The following MDP1 variants were observed in gnomAD, a reference collection of about 807,000 sequenced individuals.
MDP1 encodes magnesium-dependent phosphatase 1.
A neutral mutation model predicts 21.6 loss-of-function variants in MDP1; 18 were observed. The observed-to-expected ratio is 0.83, with a 90% confidence interval of 0.58 to 1.24. The LOEUF (loss-of-function observed/expected upper bound fraction) is 1.24, where lower values mean the gene tolerates loss of function less well. Ranked by LOEUF, MDP1 falls within the 50% of genes most tolerant of loss-of-function variation. MDP1 has a pLI of 0.00. For missense variants in MDP1, 207 were observed against 218.6 expected (o/e 0.95, Z 0.33); for synonymous variants, 101 against 83.2 (o/e 1.21, Z -1.16).
rs1274881335 is a variant in MDP1 at position 24,216,039 on chromosome 14, G to GC, written c.-85dup. On this transcript the variant is annotated 5_prime_UTR_variant, in exon 1 of 6. The change creates a premature stop within an existing upstream ORF in the 5' untranslated region. Transcript: ENST00000288087. ...TGCGGAACCTCCGGCAGCTAAGGCA[G>GC]CCACCCTGCCTGCCATAGACAAATG... 1 of 1,571,664 alleles carries GC rather than the reference G, an allele frequency of 6.4e-7. No homozygotes were observed. Among genetic ancestry groups the GC allele is most frequent in the East Asian group, 2.3e-5 (1 of 44,294 alleles).
chr14:24,215,764 T>A lies in MDP1; in HGVS notation c.71A>T (p.His24Leu). Residue 24 changes from histidine to leucine, a missense_variant, in exon 2 of 6, where the codon CAC (histidine) becomes CTC (leucine). Coordinates refer to ENST00000288087, the MANE Select transcript of MDP1 (RefSeq NM_138476.4). ...YTLWPFWVDT[H>L]VDPPFHKSSD... ...GCTCTTATGGAACGGAGGGTCTACG[T>A]GCGTGTCGACCCAGAAAGGCCAGAG... The A allele has an allele frequency of 6.2e-7, 1 of 1,614,052 alleles. No homozygotes were observed.
In MDP1 at chr14:24,214,446, CCT is replaced by C. The variant is rs755232170; in HGVS notation, c.317+44_317+45del. 3 of 1,614,028 alleles carry C rather than the reference CCT, an allele frequency of 1.9e-6. No individual in the cohort carries two copies. In the African/African-American group the frequency reaches 4.0e-5, roughly 22 times the overall value. On this transcript the variant is annotated intron_variant, in intron 4 of 5. Transcript: ENST00000288087. ...CAAGCTAGTATCTTGGTTTCCCAGG[CCT>C]CTCTGATACTTTCTCACCCTGCTCC...
At chr14:24,214,189 G>T in intron 5 of MDP1, 38 bp from the exon 6 acceptor site, 1 of 1,607,740 alleles carries the variant, frequency 6.2e-7, no homozygotes, top group South Asian at 1.1e-5. Flanking sequence ...TAAGCTTTCA[G>T]GGTTCTCCAT....
rs1462872849 is a variant in MDP1, at chr14:24,216,053, C to T, written c.-98G>A. The T allele has an allele frequency of 2.6e-6, 4 of 1,529,922 alleles. No homozygotes were observed. Among genetic ancestry groups the T allele is most frequent in the Middle Eastern group, 2.0e-4 (1 of 5,062 alleles). The allele number at this position is 1,529,922 out of a possible 1,614,324, so 94.8% of individuals were successfully genotyped here. ...CAGCTAAGGCAGCCACCCTGCCTGC[C>T]ATAGACAAATGGCGACTAGAGCGTC... On this transcript the variant is annotated 5_prime_UTR_variant, in exon 1 of 6. The change abolishes an upstream ATG in the 5' untranslated region. Coordinates refer to ENST00000288087, the MANE Select transcript of MDP1 (RefSeq NM_138476.4).
rs746762079 is a variant in MDP1, at chr14:24,215,887, C to A, written c.37+32G>T. On this transcript the variant is annotated intron_variant, in intron 1 of 5. Transcript: ENST00000288087. ...GTTAGGGATGTGGAAAAGGAGAGCA[C>A]CTTACGAAATTCTCCCCTTCCCGTC... is the stretch of plus-strand genomic sequence containing the variant. 3.7e-6 allele frequency: 6 copies of A among 1,614,168 alleles called. No homozygotes were observed. In the South Asian group the frequency reaches 6.6e-5, roughly 18 times the overall value.
Position 24,214,084 on chromosome 14 carries a change from A to G in MDP1, c.471T>C (p.Phe157=). The G allele has an allele frequency of 6.2e-7, 1 of 1,613,612 alleles. No individual in the cohort carries two copies. Among genetic ancestry groups the G allele is most frequent in the Non-Finnish European group, 8.5e-7 (1 of 1,179,714 alleles). Reference sequence around the variant, plus strand: ...TCAAAGGCCCAGTTTGGGCCTTCGCAAATGTCTCTAACCCTTGACTTAGAG... The same window carrying G: ...TCAAAGGCCCAGTTTGGGCCTTCGCGAATGTCTCTAACCCTTGACTTAGAG... ...LQTLSQGLET[F]AKAQTGPLRS... Residue 157 remains phenylalanine (F), a synonymous_variant, in exon 6 of 6, where the codon TTT becomes TTC. Coordinates refer to ENST00000288087, the MANE Select transcript of MDP1 (RefSeq NM_138476.4).
At position 24,215,952 on chromosome 14, in the gene MDP1, C is replaced by T; in HGVS notation, c.4G>A (p.Ala2Thr). The T allele has an allele frequency of 2.5e-6, 4 of 1,614,224 alleles. No homozygotes were observed. The highest frequency in any genetic ancestry group is 3.4e-6 in the Non-Finnish European group (4 of 1,180,042). The change falls in exon 1 of 6, where the codon GCG becomes ACG. Residue 2 changes from alanine (A) to threonine (T), a missense_variant. Transcript: ENST00000288087. ...AAGACTGCCAGCTTCGGTAGCCGCG[C>T]CATGACCCGCACCGCAGGCTGCGCG... The part of the protein sequence containing the change: M[A>T]RLPKLAVFDL...
In MDP1 at chr14:24,215,942, G is replaced by C; in HGVS notation, c.14C>G (p.Pro5Arg). 1.2e-6 allele frequency: 2 copies of C among 1,614,182 alleles called. No individual in the cohort carries two copies. The highest frequency in any genetic ancestry group is 2.2e-5 in the South Asian group (2 of 91,080). The change falls in exon 1 of 6, where the codon CCG becomes CGG. Residue 5 changes from proline (P) to arginine (R), a missense_variant. Pro to Arg is a moderately radical substitution (Grantham distance 103, BLOSUM62 -2). Coordinates refer to ENST00000288087, the MANE Select transcript of MDP1 (RefSeq NM_138476.4). ...ACCCAAATCAAAGACTGCCAGCTTC[G>C]GTAGCCGCGCCATGACCCGCACCGC... Reference protein sequence around the residue: MARLPKLAVFDLDYT... With the variant: MARLRKLAVFDLDYT...
chr14:24,215,525 C>CT (rs2039671863), intron 3 of MDP1, 27 bp downstream of exon 3: 1 of 1,612,736 alleles, frequency 6.2e-7, no homozygotes, highest in Non-Finnish European at 8.5e-7. Context: ...CAGCATTACA[C>CT]TGTCAGTTGT....
In MDP1 at chr14:24,214,628, G is replaced by A. The variant is rs978074863; in HGVS notation, c.210-29C>T. On this transcript the variant is annotated intron_variant, in intron 3 of 5. Transcript: ENST00000288087. ...CAAAACGGTGTAAAAGATGGGATTA[G>A]CAAAGTGAAGGGCCAGGGCTACGTT... 4 of 1,612,160 alleles carry A rather than the reference G, an allele frequency of 2.5e-6. No homozygotes were observed. The African/African-American group carries it at 5.3e-5, about 22-fold the overall frequency.
At position 24,214,717 on chromosome 14, in the gene MDP1, A is replaced by T. The variant is rs563556421; in HGVS notation, c.210-118T>A. 2.4e-5 allele frequency: 26 copies of T among 1,085,674 alleles called. No homozygotes were observed. The East Asian group carries it at 6.2e-4, about 26-fold the overall frequency. 67.3% of individuals were successfully genotyped at this position (1,085,674 alleles called of 1,614,324 possible). On this transcript the variant is annotated intron_variant, in intron 3 of 5. Coordinates refer to ENST00000288087, the MANE Select transcript of MDP1 (RefSeq NM_138476.4). Reference sequence around the variant, plus strand: ...TCAACTTGCTGTTTTTCCGGGATGGACAGGCATCCTCAGCCTCTGTTTAAC... The same window carrying T: ...TCAACTTGCTGTTTTTCCGGGATGGTCAGGCATCCTCAGCCTCTGTTTAAC...
Position 24,215,752 on chromosome 14 carries a change from G to T in MDP1, c.83C>A (p.Pro28Gln). The T allele has an allele frequency of 6.2e-7, 1 of 1,614,212 alleles. No homozygotes were observed. The highest frequency in any genetic ancestry group is 8.5e-7 in the Non-Finnish European group (1 of 1,180,040). Residue 28 changes from proline (P) to glutamine (Q), a missense_variant, in exon 2 of 6, where the codon CCG becomes CAG. Pro to Gln is a moderately conservative substitution (Grantham distance 76, BLOSUM62 -1). Coordinates refer to ENST00000288087, the MANE Select transcript of MDP1 (RefSeq NM_138476.4). Reference protein sequence around the residue: ...PFWVDTHVDPPFHKSSDGTVR... With the variant: ...PFWVDTHVDPQFHKSSDGTVR... ...CCTACCTCACCTGCTCTTATGGAAC[G>T]GAGGGTCTACGTGCGTGTCGACCCA...
chr14:24,215,631 C>A lies in MDP1; in HGVS notation c.130G>T (p.Asp44Tyr), dbSNP rs2039676274. ...DGTVRDRRGQ[D>Y]VRLYPEVPEV... ...GGCACCTCTGGGTACAGTCGGACGT[C>A]TTGGCCCCGCCTATCTCGTACAGTT... is the stretch of plus-strand genomic sequence containing the variant. The change falls in exon 3 of 6, where the codon GAC (aspartate) becomes TAC (tyrosine). Residue 44 changes from aspartate (D) to tyrosine (Y), a missense_variant. Coordinates refer to ENST00000288087, the MANE Select transcript of MDP1 (RefSeq NM_138476.4). 6.2e-7 allele frequency: 1 copy of A among 1,614,062 alleles called. No homozygotes were observed. The highest frequency in any genetic ancestry group is 8.5e-7 in the Non-Finnish European group (1 of 1,180,048).
intron 3 of MDP1, among the ~76,000 whole-genome samples, chr14:24,214,995 C>G (rs990816421): frequency 1.4e-5 from 2 of 146,430 alleles, no homozygotes; most frequent in Non-Finnish European, 3.0e-5. Context: ...CTAGGCTGGT[C>G]TCAAATTCCT....
At chr14:24,214,695 A>G (rs2039647571) in intron 3 of MDP1, 96 bp from the exon 4 acceptor site, 1 of 1,402,238 alleles carries the variant, frequency 7.1e-7, no homozygotes, top group Non-Finnish European at 9.9e-7. Flanking sequence ...AGGGAAATCA[A>G]CTTGCTGTTT....
intron 3 of MDP1, 65 bp from the exon 4 acceptor site, chr14:24,214,664 G>T: frequency 6.4e-7 from 1 of 1,558,118 alleles, no homozygotes; most frequent in Non-Finnish European, 8.8e-7. Flanking sequence ...AACTTATTAA[G>T]CAAAGTTAGT....
chr14:24,214,094 A>G lies in MDP1; in HGVS notation c.461T>C (p.Leu154Ser). Reference sequence around the variant, plus strand: ...AGTTTGGGCCTTCGCAAATGTCTCTAACCCTTGACTTAGAGTTTGAAGATT... The same window carrying G: ...AGTTTGGGCCTTCGCAAATGTCTCTGACCCTTGACTTAGAGTTTGAAGATT... ...GMNLQTLSQG[L>S]ETFAKAQTGP... The change falls in exon 6 of 6, where the codon TTA (leucine) becomes TCA (serine). Residue 154 changes from leucine (L) to serine (S), a missense_variant. Coordinates refer to ENST00000288087, the MANE Select transcript of MDP1 (RefSeq NM_138476.4). 2.5e-6 allele frequency: 4 copies of G among 1,613,800 alleles called. No individual in the cohort carries two copies. The highest frequency in any genetic ancestry group is 2.5e-6 in the Non-Finnish European group (3 of 1,179,844).
rs1007736547 is a variant in MDP1, at chr14:24,216,006, T to G, written c.-51A>C. On this transcript the variant is annotated 5_prime_UTR_variant, in exon 1 of 6. Coordinates refer to ENST00000288087, the MANE Select transcript of MDP1 (RefSeq NM_138476.4). ...CAGAGGTGGGGCTTCACCCGGGGCC[T>G]TAGAGAGTGCGGAACCTCCGGCAGC... The G allele has an allele frequency of 7.4e-6, 12 of 1,612,444 alleles. No individual in the cohort carries two copies. Among genetic ancestry groups the G allele is most frequent in the Non-Finnish European group, 1.0e-5 (12 of 1,179,566 alleles).
chr14:24,214,728 C>T, intron 3 of MDP1, 129 bp from the exon 4 acceptor site: 1 of 972,878 alleles, frequency 1.0e-6, no homozygotes, highest in East Asian at 2.6e-5. Context: ...CAGGCATCCT[C>T]AGCCTCTGTT....
Sources: allele counts gnomAD v4.1 joint callset (sites outside exome capture counted in the v4.1 genomes callset), GRCh38; gene constraint gnomAD v4.1.1; transcripts MANE v1.5; gene names NCBI Gene and HGNC (gene_info 2026-07-23, HGNC 2026-07-21).